ADAMTS19: variants seen among roughly 807,000 people sequenced by gnomAD.
ADAMTS19 encodes the protein ADAM metallopeptidase with thrombospondin type 1 motif 19.
In ADAMTS19, 93 loss-of-function variants were observed where a neutral mutation model predicts 153.3. That is an observed-to-expected ratio of 0.61 (90% CI 0.51 to 0.72). ADAMTS19 has a LOEUF of 0.72. Ranked by LOEUF, ADAMTS19 falls within the 30% of genes least tolerant of loss-of-function variation. The pLI, the probability that ADAMTS19 is intolerant of heterozygous loss-of-function variation, is 0.00. For synonymous variants in ADAMTS19, 600 were observed against 556.6 expected (o/e 1.08, Z -1.10); for missense variants, 1,482 against 1,552.1 (o/e 0.95, Z 0.76).
At chr5:129,626,851 T>C (rs942195611) in intron 10 of ADAMTS19, among the ~76,000 whole-genome samples, 69 of 152,062 alleles carry the variant, frequency 4.5e-4, no homozygotes, top group Non-Finnish European at 8.5e-4. Context: ...TTAGAAGAAA[T>C]ATAAACTCAG....
At chr5:129,533,772 A>C (rs976745001) in intron 6 of ADAMTS19, among the ~76,000 whole-genome samples, 6 of 151,978 alleles carry the variant, frequency 3.9e-5, no homozygotes, top group Non-Finnish European at 7.4e-5. Flanking sequence ...TTGAATGTGT[A>C]ACAGAGATTC....
At chr5:129,495,351 A>G (rs146967639) in intron 2 of ADAMTS19, among the ~76,000 whole-genome samples, 147 of 152,280 alleles carry the variant, frequency 9.7e-4, no homozygotes, top group African/African-American at 3.4e-3. Context: ...TGAATCTAAG[A>G]AAAGCATTCA....
intron 7 of ADAMTS19, among the ~76,000 whole-genome samples, chr5:129,572,250 C>T (rs1230696058): frequency 6.6e-6 from 1 of 151,864 alleles, no homozygotes; most frequent in East Asian, 1.9e-4. Flanking sequence ...GATACTAGGA[C>T]TTGTATGCAG....
At chr5:129,675,524 T>C (rs1198713549) in intron 16 of ADAMTS19, among the ~76,000 whole-genome samples, 1 of 152,208 alleles carries the variant, frequency 6.6e-6, no homozygotes, top group African/African-American at 2.4e-5. Context: ...TCTAAAGTGT[T>C]TGTAAATCAG....
At chr5:129,715,749 C>A (rs1756695695) in intron 21 of ADAMTS19, among the ~76,000 whole-genome samples, 2 of 152,090 alleles carry the variant, frequency 1.3e-5, no homozygotes, top group African/African-American at 4.8e-5. Flanking sequence ...ATTGTGAATT[C>A]TATTTTGGAC....
chr5:129,467,006 TTTC>T (rs1749888187), intron 2 of ADAMTS19, among the ~76,000 whole-genome samples: 2 of 152,224 alleles, frequency 1.3e-5, no homozygotes, highest in South Asian at 2.1e-4. Context: ...TTTAAACAAC[TTTC>T]TTATTTTTCC....
chr5:129,611,515 A>C, intron 8 of ADAMTS19, among the ~76,000 whole-genome samples: 1 of 152,178 alleles, frequency 6.6e-6, no homozygotes, highest in Non-Finnish European at 1.5e-5. Flanking sequence ...ATGGCTAGCC[A>C]GTTTTCCCAG....
At chr5:129,703,951 T>C (rs1043614974) in intron 20 of ADAMTS19, among the ~76,000 whole-genome samples, 16 of 152,226 alleles carry the variant, frequency 1.1e-4, no homozygotes, top group African/African-American at 2.4e-4. Context: ...ATTTTGATCA[T>C]AGTGCATTAT....
intron 7 of ADAMTS19, among the ~76,000 whole-genome samples, chr5:129,562,362 C>A (rs1468029900): frequency 1.3e-5 from 2 of 152,180 alleles, no homozygotes; most frequent in Non-Finnish European, 2.9e-5. Context: ...TCATGGTACC[C>A]CTCCTGGGAG....
intron 21 of ADAMTS19, among the ~76,000 whole-genome samples, chr5:129,711,208 A>C (rs2127180424): frequency 6.6e-6 from 1 of 152,362 alleles, no homozygotes; most frequent in African/African-American, 2.4e-5. Context: ...AAATAACCTA[A>C]TTAAATACTC....
chr5:129,506,566 G>A (rs1363739771), intron 2 of ADAMTS19, among the ~76,000 whole-genome samples: 1 of 151,886 alleles, frequency 6.6e-6, no homozygotes, highest in Non-Finnish European at 1.5e-5. Flanking sequence ...AGTGTCTGTA[G>A]ATAAAATTCT....
intron 3 of ADAMTS19, among the ~76,000 whole-genome samples, chr5:129,517,415 A>T (rs375760958): frequency 6.6e-6 from 1 of 151,694 alleles, no homozygotes; most frequent in Non-Finnish European, 1.5e-5. Context: ...ATTGTGGCCT[A>T]TTCTCTCTCA....
chr5:129,549,014 C>T (rs1292131832), intron 6 of ADAMTS19, among the ~76,000 whole-genome samples: 1 of 106,632 alleles, frequency 9.4e-6, no homozygotes, highest in East Asian at 2.9e-4. Flanking sequence ...CATCACACTC[C>T]GAGTACTGTT....
chr5:129,695,114 A>G (rs1755496945), intron 19 of ADAMTS19, among the ~76,000 whole-genome samples: 1 of 152,126 alleles, frequency 6.6e-6, no homozygotes. Context: ...ATCATTTCAT[A>G]ACCTCTAGGT....
intron 7 of ADAMTS19, among the ~76,000 whole-genome samples, chr5:129,562,888 T>TC (rs918545998): frequency 1.3e-5 from 2 of 152,106 alleles, no homozygotes; most frequent in African/African-American, 4.8e-5. Flanking sequence ...CTTTTTTTTT[T>TC]CTGTCTTTGA....
At chr5:129,677,533 T>G (rs1754605831) in intron 16 of ADAMTS19, among the ~76,000 whole-genome samples, 1 of 151,984 alleles carries the variant, frequency 6.6e-6, no homozygotes. Context: ...CTTTTGACAG[T>G]TTTTACCATT....
In ADAMTS19 at chr5:129,527,782, T is replaced by G; in HGVS notation, c.1121T>G (p.Val374Gly). 1 of 1,599,710 alleles carries G rather than the reference T, an allele frequency of 6.3e-7. No individual in the cohort carries two copies. Among genetic ancestry groups the G allele is most frequent in the Non-Finnish European group, 8.5e-7 (1 of 1,169,678 alleles). The change falls in exon 5 of 23, where the codon GTG (valine) becomes GGG (glycine). Residue 374 changes from valine to glycine, a missense_variant. Val to Gly is a moderately radical substitution (Grantham distance 109). Coordinates refer to ENST00000274487, the MANE Select transcript of ADAMTS19 (RefSeq NM_133638.6). ...CTTTTCCAACACAAGAGTCTGAGTG[T>G]GCAGGTCAATCTTCGTGTGATAAAG... ...FNLFQHKSLS[V>G]QVNLRVIKLI...
intron 2 of ADAMTS19, among the ~76,000 whole-genome samples, chr5:129,484,476 GTT>G (rs1561534323): frequency 6.6e-6 from 1 of 151,936 alleles, no homozygotes; most frequent in African/African-American, 2.4e-5. Flanking sequence ...ACATAGCATT[GTT>G]TTGTTTTTAA....
chr5:129,672,283 C>A (rs761890008), intron 16 of ADAMTS19, among the ~76,000 whole-genome samples: 7 of 152,134 alleles, frequency 4.6e-5, no homozygotes, highest in Non-Finnish European at 7.4e-5. Context: ...AATAAGAACA[C>A]ATTAGGGGGT....
Sources: allele counts gnomAD v4.1 joint callset (sites outside exome capture counted in the v4.1 genomes callset), GRCh38; gene constraint gnomAD v4.1.1; transcripts MANE v1.5; gene names NCBI Gene and HGNC (gene_info 2026-07-23, HGNC 2026-07-21).